Variants in CLIC5 observed in about 807,000 individuals in gnomAD.
CLIC5 encodes CLIC family member 5.
CLIC5 carries 20 observed loss-of-function variants against 24.7 expected under a neutral mutation model. The observed-to-expected ratio is 0.81, with a 90% CI of 0.57 to 1.18. The LOEUF (loss-of-function observed/expected upper bound fraction) is 1.18, where lower values mean the gene tolerates loss of function less well. CLIC5 is among the 50% of genes most tolerant of loss of function. CLIC5 has a pLI of 0.00. For missense variants in CLIC5, 341 were observed against 326.1 expected (o/e 1.05, Z -0.35); for synonymous variants, 159 against 135.6 (o/e 1.17, Z -1.20).
At chr6:46,013,873 T>G (rs539248121) in intron 1 of CLIC5, among the ~76,000 whole-genome samples, 6 of 152,324 alleles carry the variant, frequency 3.9e-5, no homozygotes, top group African/African-American at 1.4e-4. Flanking sequence ...GCAAGACTCA[T>G]CGCTTTGTTA....
downstream of CLIC5, among the ~76,000 whole-genome samples, chr6:45,894,613 C>T (rs1385815159): frequency 2.0e-5 from 3 of 152,056 alleles, no homozygotes; most frequent in Admixed American, 6.5e-5. Flanking sequence ...AACTTATTGA[C>T]CAAGAAAAGC....
chr6:46,106,290 T>A, the CLIC5 span, among the ~76,000 whole-genome samples: 2 of 152,136 alleles, frequency 1.3e-5, no homozygotes, highest in Non-Finnish European at 2.9e-5. Flanking sequence ...GTATTTTTAG[T>A]AGAGACAGGG....
Position 46,051,696 on chromosome 6 carries a change from C to A in CLIC5, c.540+28007G>T, listed in dbSNP as rs1768106452. On this transcript the variant is annotated intron_variant, in intron 1 of 5. Coordinates refer to the CLIC5 transcript ENST00000185206. ...CTGAGTTTCACAATAATAATAATTC[C>A]TTGTATTTGTTTAGTGCTTTACATT... is the stretch of plus-strand genomic sequence containing the variant. Among the ~76,000 whole-genome samples, 4 of 152,118 alleles carry A rather than the reference C, an allele frequency of 2.6e-5. No individual in the cohort carries two copies. In the South Asian group the frequency reaches 8.3e-4, roughly 32 times the overall value.
intron 1 of CLIC5, among the ~76,000 whole-genome samples, chr6:46,055,382 C>T (rs541505449): frequency 3.3e-5 from 5 of 152,166 alleles, no homozygotes; most frequent in Non-Finnish European, 7.4e-5. Flanking sequence ...GGAAAACAGG[C>T]GTGAACCACC....
At chr6:45,969,115 A>G (rs1765109973) in intron 1 of CLIC5, among the ~76,000 whole-genome samples, 1 of 152,206 alleles carries the variant, frequency 6.6e-6, no homozygotes, top group South Asian at 2.1e-4. Context: ...GAGACTCCAC[A>G]AGCTACTACA....
chr6:46,000,332 T>C (rs762508884), intron 1 of CLIC5, among the ~76,000 whole-genome samples: 3 of 152,136 alleles, frequency 2.0e-5, no homozygotes, highest in Non-Finnish European at 4.4e-5. Context: ...TGTGTAATAA[T>C]AAGATGATGG....
chr6:46,124,614 G>T, the CLIC5 span, among the ~76,000 whole-genome samples: 1 of 152,208 alleles, frequency 6.6e-6, no homozygotes, highest in South Asian at 2.1e-4. Context: ...CACAGCAAAA[G>T]AAACTACCAT....
intron 1 of CLIC5, among the ~76,000 whole-genome samples, chr6:46,042,064 T>C (rs1448765850): frequency 2.0e-5 from 3 of 152,144 alleles, no homozygotes; most frequent in Non-Finnish European, 4.4e-5. Flanking sequence ...TGTGACTCTG[T>C]TTTCTAGGAG....
At chr6:46,051,463 A>G (rs751026398) in intron 1 of CLIC5, among the ~76,000 whole-genome samples, 1 of 152,208 alleles carries the variant, frequency 6.6e-6, no homozygotes, top group African/African-American at 2.4e-5. Context: ...CTTCACTTGT[A>G]AAGTGAGGAT....
intron 1 of CLIC5, among the ~76,000 whole-genome samples, chr6:45,958,678 T>C (rs1437654774): frequency 6.6e-6 from 1 of 151,666 alleles, no homozygotes; most frequent in East Asian, 1.9e-4. Flanking sequence ...TTGCACTTCA[T>C]CTGTTATATG....
intron 1 of CLIC5, among the ~76,000 whole-genome samples, chr6:46,072,633 T>G (rs929405490): frequency 6.6e-6 from 1 of 152,182 alleles, no homozygotes; most frequent in Non-Finnish European, 1.5e-5. Flanking sequence ...TCACTTTCAT[T>G]TTCAGAGTTA....
intron 1 of CLIC5, among the ~76,000 whole-genome samples, chr6:45,970,662 C>A (rs576756198): frequency 6.6e-6 from 1 of 152,176 alleles, no homozygotes; most frequent in African/African-American, 2.4e-5. Flanking sequence ...CCAAGCCCTA[C>A]CATATTTTCT....
intron 6 of CLIC5, among the ~76,000 whole-genome samples, chr6:45,881,657 G>A (rs971524614): frequency 6.6e-6 from 1 of 152,152 alleles, no homozygotes; most frequent in African/African-American, 2.4e-5. Flanking sequence ...TTTTAAAACT[G>A]TGTGTAATTT....
intron 1 of CLIC5, among the ~76,000 whole-genome samples, chr6:46,069,212 A>G (rs954667227): frequency 6.6e-6 from 1 of 152,170 alleles, no homozygotes; most frequent in African/African-American, 2.4e-5. Flanking sequence ...TCTGAGTATC[A>G]TGAAAAACTT....
intron 1 of CLIC5, among the ~76,000 whole-genome samples, chr6:46,038,355 G>A (rs1043587075): frequency 1.3e-5 from 2 of 152,192 alleles, no homozygotes; most frequent in African/African-American, 4.8e-5. Context: ...TTCCCACCCA[G>A]GTGGGTCCTC....
chr6:45,914,096 G>A (rs536687216), intron 5 of CLIC5, 132 bp downstream of exon 5: 3 of 636,946 alleles, frequency 4.7e-6, no homozygotes, highest in Admixed American at 4.1e-5. Flanking sequence ...GTGACCTTGG[G>A]TCCTTATTAC....
intron 1 of CLIC5, among the ~76,000 whole-genome samples, chr6:46,023,221 A>G (rs1767234368): frequency 6.6e-6 from 1 of 152,192 alleles, no homozygotes. Flanking sequence ...TTACATCATA[A>G]TAATAATAGT....
At chr6:46,049,006 C>A (rs572015191) in intron 1 of CLIC5, among the ~76,000 whole-genome samples, 1 of 152,188 alleles carries the variant, frequency 6.6e-6, no homozygotes, top group African/African-American at 2.4e-5. Flanking sequence ...AACAAAGGAG[C>A]TTGCTGTTCA....
chr6:45,958,956 G>GCATACATACTACATACATACATA, intron 1 of CLIC5, among the ~76,000 whole-genome samples: 1 of 115,402 alleles, frequency 8.7e-6, no homozygotes, highest in East Asian at 2.1e-4. Context: ...TAAAATACAT[G>GCATACATACTACATACATACATA]CATACATACT....
Sources: gnomAD v4.1 joint callset for allele counts (sites outside exome capture counted in the v4.1 genomes callset) on GRCh38, gnomAD v4.1.1 for gene constraint, MANE v1.5 for transcripts, NCBI Gene and HGNC (gene_info 2026-07-23, HGNC 2026-07-21) for gene names.